Variants in GPR39 observed in about 807,000 individuals in gnomAD.
GPR39 encodes G protein-coupled receptor 39.
A neutral mutation model predicts 18.4 loss-of-function variants in GPR39; 23 were observed. That is an observed-to-expected ratio of 1.25 (90% CI 0.90 to 1.77). The LOEUF is 1.77. Ranked by LOEUF, GPR39 falls within the 40% of genes most tolerant of loss-of-function variation. GPR39 has a pLI of 0.00. For synonymous variants in GPR39, 280 were observed against 257.9 expected (o/e 1.09, Z -0.82); for missense variants, 647 against 602.4 (o/e 1.07, Z -0.78).
chr2:132,531,339 T>C (rs1050518542), intron 1 of GPR39, among the ~76,000 whole-genome samples: 64 of 152,094 alleles, frequency 4.2e-4, no homozygotes, highest in Admixed American at 1.4e-3. Flanking sequence ...TACAGGAGCA[T>C]CCAGATTCAT....
intron 1 of GPR39, among the ~76,000 whole-genome samples, chr2:132,506,111 T>C (rs1253883041): frequency 1.3e-5 from 2 of 152,172 alleles, no homozygotes; most frequent in Non-Finnish European, 2.9e-5. Flanking sequence ...TAAGATGATA[T>C]CTTATTGTGG....
At chr2:132,420,682 G>A (rs1013199635) in intron 1 of GPR39, among the ~76,000 whole-genome samples, 4 of 152,134 alleles carry the variant, frequency 2.6e-5, no homozygotes, top group East Asian at 1.9e-4. Context: ...ATTGTTCGCC[G>A]CTCGTTGTTA....
chr2:132,606,841 A>G (rs111437611), intron 1 of GPR39, among the ~76,000 whole-genome samples: 45 of 152,278 alleles, frequency 3.0e-4, no homozygotes, highest in Middle Eastern at 3.4e-3. Flanking sequence ...GGGCCGCTCA[A>G]TGGCCAAACT....
At chr2:132,580,080 G>A (rs942746060) in intron 1 of GPR39, among the ~76,000 whole-genome samples, 3 of 152,216 alleles carry the variant, frequency 2.0e-5, no homozygotes, top group Non-Finnish European at 2.9e-5. Context: ...ATGATTACAA[G>A]TATGGGCTTT....
intron 1 of GPR39, among the ~76,000 whole-genome samples, chr2:132,559,480 T>C (rs3109142): frequency 0.25 from 37,527 of 151,828 alleles, 4,755 homozygotes; most frequent in Non-Finnish European, 0.27. Context: ...AGTGAACACA[T>C]AAACACCTTA....
intron 1 of GPR39, among the ~76,000 whole-genome samples, chr2:132,607,539 C>G (rs1021326049): frequency 1.3e-5 from 2 of 152,150 alleles, no homozygotes; most frequent in African/African-American, 4.8e-5. Flanking sequence ...TTTAGAGAAC[C>G]TTGAGGGAGG....
chr2:132,619,838 C>G (rs965072919), intron 1 of GPR39, among the ~76,000 whole-genome samples: 2 of 137,640 alleles, frequency 1.5e-5, no homozygotes, highest in Admixed American at 1.4e-4. Context: ...CAGACACACA[C>G]ACACACACAC....
chr2:132,442,812 A>G (rs926845050), intron 1 of GPR39, among the ~76,000 whole-genome samples: 3 of 152,174 alleles, frequency 2.0e-5, no homozygotes. Context: ...CAGATTCCCA[A>G]CACTTGCACA....
intron 1 of GPR39, among the ~76,000 whole-genome samples, chr2:132,591,819 A>T (rs190857079): frequency 1.5e-4 from 22 of 150,506 alleles, no homozygotes; most frequent in South Asian, 8.3e-4. Context: ...AAACTGATTT[A>T]AAAAAAACCA....
intron 1 of GPR39, among the ~76,000 whole-genome samples, chr2:132,446,646 G>A (rs572760216): frequency 2.6e-5 from 4 of 152,152 alleles, no homozygotes; most frequent in Non-Finnish European, 5.9e-5. Context: ...TAAGTTTACA[G>A]GGCAGTAGGA....
chr2:132,574,424 C>T (rs886925702), intron 1 of GPR39, among the ~76,000 whole-genome samples: 4 of 152,116 alleles, frequency 2.6e-5, no homozygotes, highest in Non-Finnish European at 4.4e-5. Context: ...TTCACAGGAA[C>T]TCTTTATATG....
chr2:132,552,150 C>T (rs994323183), intron 1 of GPR39, among the ~76,000 whole-genome samples: 2 of 152,114 alleles, frequency 1.3e-5, no homozygotes, highest in Non-Finnish European at 2.9e-5. Context: ...TATGGCATAA[C>T]AATATTTACA....
chr2:132,548,166 C>G lies in GPR39; in HGVS notation c.857-96935C>G, dbSNP rs921368537. ...TTAAACCTTTCAAGGATGTAATAGT[C>G]TGGCAAATATTTCAATCATCATGTC... On this transcript the variant is annotated intron_variant, in intron 1 of 1. Coordinates refer to ENST00000329321, the MANE Select transcript of GPR39 (RefSeq NM_001508.3). 3.9e-5 allele frequency among the ~76,000 whole-genome samples: 6 copies of G among 152,170 alleles called. No individual in the cohort carries two copies. In the East Asian group the frequency reaches 1.2e-3, roughly 29 times the overall value.
chr2:132,561,736 C>T (rs560176978), intron 1 of GPR39, among the ~76,000 whole-genome samples: 14 of 152,218 alleles, frequency 9.2e-5, no homozygotes, highest in South Asian at 2.1e-4. Flanking sequence ...CTGAGAACCA[C>T]GAAAGCTGAC....
chr2:132,521,503 T>G (rs1679425814), intron 1 of GPR39, among the ~76,000 whole-genome samples: 1 of 152,228 alleles, frequency 6.6e-6, no homozygotes, highest in Non-Finnish European at 1.5e-5. Flanking sequence ...CTGTTTCACC[T>G]CTGACTCACA....
chr2:132,417,259 G>T lies in GPR39; in HGVS notation c.217G>T (p.Val73Leu). 3 of 1,614,186 alleles carry T rather than the reference G, an allele frequency of 1.9e-6. No homozygotes were observed. The highest frequency in any genetic ancestry group is 2.5e-6 in the Non-Finnish European group (3 of 1,180,046). Residue 73 changes from valine to leucine, a missense_variant, in exon 1 of 2, where the codon GTG becomes TTG. Around this residue, in one of 3 missense-constraint regions of GPR39, gnomAD observed 5 missense variants for 16.4 expected, o/e 0.30. Transcript: ENST00000329321. ...YLQKEVTDHMVSLACSDILVF... is the reference protein window; with the variant it reads ...YLQKEVTDHMLSLACSDILVF... ...GCAGAAGGAGGTGACAGACCACATGGTGAGTTTGGCTTGCTCGGACATCTT... is the reference window on the plus strand; with the variant it reads ...GCAGAAGGAGGTGACAGACCACATGTTGAGTTTGGCTTGCTCGGACATCTT...
rs766593818 is a variant in GPR39, at chr2:132,645,620, G to C, written c.*14G>C. The C allele has an allele frequency of 6.2e-7, 1 of 1,602,480 alleles. No homozygotes were observed. The highest frequency in any genetic ancestry group is 2.2e-5 in the East Asian group (1 of 44,756). On this transcript the variant is annotated 3_prime_UTR_variant, in exon 2 of 2. Transcript: ENST00000329321. ...CATGAAGTTTGAATGTCAAGCGAGG[G>C]AGCCTTGAGTGGGAACTGGCCCTCC...
At chr2:132,616,799 G>T (rs1265029988) in intron 1 of GPR39, among the ~76,000 whole-genome samples, 1 of 152,146 alleles carries the variant, frequency 6.6e-6, no homozygotes, top group African/African-American at 2.4e-5. Context: ...AGAGAATTCT[G>T]TTTTGCTCAA....
intron 1 of GPR39, among the ~76,000 whole-genome samples, chr2:132,558,052 C>A (rs976730224): frequency 3.9e-5 from 6 of 152,004 alleles, no homozygotes; most frequent in African/African-American, 1.5e-4. Context: ...TTTAGGGCTT[C>A]TTTTTTGTTA....
Sources: allele counts gnomAD v4.1 joint callset (sites outside exome capture counted in the v4.1 genomes callset), GRCh38; gene constraint gnomAD v4.1.1; regional missense constraint gnomAD v4.1.1; transcripts MANE v1.5; gene names NCBI Gene and HGNC (gene_info 2026-07-23, HGNC 2026-07-21).